Variants in RTCB observed in about 807,000 individuals in gnomAD.
RTCB encodes RNA-splicing ligase RTCB.
In RTCB, 32 loss-of-function variants were observed where a neutral mutation model predicts 58.2. The observed-to-expected ratio is 0.55, with a 90% CI of 0.41 to 0.74. The LOEUF is 0.74. Ranked by LOEUF, RTCB falls within the 30% of genes least tolerant of loss-of-function variation. The probability of loss-of-function intolerance (pLI) is 0.00; values close to 1 mark genes in which losing one functional copy is unlikely to be tolerated. For missense variants in RTCB, 523 were observed against 639.0 expected (o/e 0.82, Z 1.96); for synonymous variants, 247 against 218.6 (o/e 1.13, Z -1.15).
At chr22:32,392,114 G>A in intron 11 of RTCB, 126 bp downstream of exon 11, 2 of 956,480 alleles carry the variant, frequency 2.1e-6, no homozygotes, top group South Asian at 1.9e-5. Flanking sequence ...CCAAAATTGA[G>A]GTCATAAAAA....
intron 1 of RTCB, among the ~76,000 whole-genome samples, chr22:32,411,102 C>A (rs1261137491): frequency 6.6e-6 from 1 of 152,152 alleles, no homozygotes; most frequent in Non-Finnish European, 1.5e-5. Context: ...TATCCCCGTG[C>A]GCTTTTTCTT....
chr22:32,408,321 A>G, intron 2 of RTCB, 79 bp from the exon 3 acceptor site: 2 of 1,227,510 alleles, frequency 1.6e-6, no homozygotes, highest in Non-Finnish European at 2.4e-6. Context: ...TTTAGACTGT[A>G]TAACGTGAAG....
At chr22:32,410,719 T>TTTC in intron 1 of RTCB, among the ~76,000 whole-genome samples, 2 of 107,034 alleles carry the variant, frequency 1.9e-5, no homozygotes, top group South Asian at 7.3e-4. Context: ...TTCTTTTTCT[T>TTTC]TTCTTTTTTT....
intron 1 of RTCB, among the ~76,000 whole-genome samples, chr22:32,410,459 G>A (rs759970987): frequency 1.3e-5 from 2 of 152,180 alleles, no homozygotes; most frequent in African/African-American, 2.4e-5. Context: ...CTCTCATATG[G>A]AAGCACAATT....
At position 32,408,758 on chromosome 22, in the gene RTCB, C is replaced by A. The variant is rs532579838; in HGVS notation, c.169G>T (p.Gly57Cys). ...AGTGAAACTCTAATGTACTTACCAC[C>A]ACCTCGACAGGCATTCCTTAATTCC... ...FEELRNACRG[G>C]GVGGFLPAMK... is the part of the protein sequence containing the mutation. Residue 57 changes from glycine (G) to cysteine (C), a missense_variant, in exon 2 of 12, where the codon GGT becomes TGT. By Grantham distance (159) the Gly-to-Cys change is radical. This residue lies in a region of RTCB where 134 missense variants were observed against 129.9 expected (regional missense o/e 1.03). Transcript: ENST00000216038. The A allele has an allele frequency of 6.2e-7, 1 of 1,612,100 alleles. No homozygotes were observed. Among genetic ancestry groups the A allele is most frequent in the Non-Finnish European group, 8.5e-7 (1 of 1,178,184 alleles).
intron 1 of RTCB, 64 bp from the exon 2 acceptor site, chr22:32,408,897 A>G: frequency 9.2e-7 from 1 of 1,089,186 alleles, no homozygotes. Context: ...GGCACTGGAC[A>G]GAATGCACTG....
chr22:32,390,014 C>G (rs1331013358), intron 11 of RTCB, among the ~76,000 whole-genome samples: 1 of 152,162 alleles, frequency 6.6e-6, no homozygotes, highest in African/African-American at 2.4e-5. Context: ...GCCTCGAAAG[C>G]TCACCTCCAG....
Position 32,387,960 on chromosome 22 carries a change from G to T in RTCB, c.*32C>A. On this transcript the variant is annotated 3_prime_UTR_variant, in exon 12 of 12. Coordinates refer to ENST00000216038, the MANE Select transcript of RTCB (RefSeq NM_014306.5). ...GTCCACTTCCACTTCAGAGAGGGTT[G>T]GTGGTGTCAGGCAGCCCTGCTGTCC... 7.5e-7 allele frequency: 1 copy of T among 1,341,372 alleles called. No individual in the cohort carries two copies. Among genetic ancestry groups the T allele is most frequent in the Non-Finnish European group, 1.1e-6 (1 of 932,278 alleles). The allele number at this position is 1,341,372 out of a possible 1,614,324, so 83.1% of individuals were successfully genotyped here.
Position 32,408,743 on chromosome 22 carries a change from T to C in RTCB, c.172+12A>G, listed in dbSNP as rs756484453. 2 of 1,600,686 alleles carry C rather than the reference T, an allele frequency of 1.2e-6. No homozygotes were observed. Among genetic ancestry groups the C allele is most frequent in the Admixed American group, 1.7e-5 (1 of 60,010 alleles). ...TACCGTACTAACACAAGTGAAACTCTAATGTACTTACCACCACCTCGACAG... is the reference window on the plus strand; with the variant it reads ...TACCGTACTAACACAAGTGAAACTCCAATGTACTTACCACCACCTCGACAG... On this transcript the variant is annotated intron_variant, in intron 2 of 11. Transcript: ENST00000216038.
chr22:32,402,135 G>A (rs1933346284), intron 4 of RTCB, among the ~76,000 whole-genome samples: 1 of 152,196 alleles, frequency 6.6e-6, no homozygotes. Flanking sequence ...TGAACATTGA[G>A]TAACATGTAA....
At position 32,398,007 on chromosome 22, in the gene RTCB, G is replaced by T; in HGVS notation, c.748C>A (p.His250Asn). 1 of 1,614,046 alleles carries T rather than the reference G, an allele frequency of 6.2e-7. No individual in the cohort carries two copies. The highest frequency in any genetic ancestry group is 8.5e-7 in the Non-Finnish European group (1 of 1,180,014). Residue 250 changes from histidine (H) to asparagine (N), a missense_variant, in exon 7 of 12, where the codon CAT becomes AAT. Physicochemically the swap from His to Asn is moderately conservative, Grantham distance 68. This residue lies in a region of RTCB where 141 missense variants were observed against 216.7 expected (regional missense o/e 0.65). Transcript: ENST00000216038. ...EYAAKKMGID[H>N]KGQVCVMIHS... ...ATCATCACACACACCTGTCCCTTAT[G>T]GTCGATGCCCATTTTTTTAGCAGCA...
chr22:32,388,187 C>A, intron 11 of RTCB, 88 bp from the exon 12 acceptor site: 1 of 785,106 alleles, frequency 1.3e-6, no homozygotes, highest in East Asian at 2.6e-5. Context: ...GAAATAAATG[C>A]ACACTAAAAT....
At chr22:32,390,406 A>G (rs946997319) in intron 11 of RTCB, among the ~76,000 whole-genome samples, 9 of 152,146 alleles carry the variant, frequency 5.9e-5, no homozygotes, top group African/African-American at 2.2e-4. Flanking sequence ...TTTCTGGCTG[A>G]TTGAATTCTA....
At chr22:32,395,347 T>C (rs1933228476) in intron 8 of RTCB, 133 bp from the exon 9 acceptor site, 2 of 690,906 alleles carry the variant, frequency 2.9e-6, no homozygotes, top group African/African-American at 3.6e-5. Context: ...AAAGTAGCCG[T>C]AAGATTATCT....
intron 10 of RTCB, among the ~76,000 whole-genome samples, chr22:32,393,323 G>C (rs2145889838): frequency 6.6e-6 from 1 of 152,260 alleles, no homozygotes; most frequent in East Asian, 1.9e-4. Flanking sequence ...TGAATAGCTG[G>C]TACACAGACC....
chr22:32,401,653 C>G, intron 5 of RTCB, 94 bp downstream of exon 5: 3 of 1,349,134 alleles, frequency 2.2e-6, no homozygotes, highest in Non-Finnish European at 3.0e-6. Flanking sequence ...ACTGAACAAT[C>G]CTCATCTCTC....
At chr22:32,398,874 G>A (rs534817643) in intron 6 of RTCB, among the ~76,000 whole-genome samples, 1 of 152,288 alleles carries the variant, frequency 6.6e-6, no homozygotes, top group East Asian at 1.9e-4. Context: ...TGTCAGTGCT[G>A]GAAGAGTCTT....
At chr22:32,406,156 A>G (rs1933416355) in intron 4 of RTCB, among the ~76,000 whole-genome samples, 1 of 152,174 alleles carries the variant, frequency 6.6e-6, no homozygotes, top group South Asian at 2.1e-4. Flanking sequence ...GAGCCTCCCA[A>G]AATTTTCAAT....
chr22:32,392,119 T>TA lies in RTCB; in HGVS notation c.1410+120dup, dbSNP rs60418733. On this transcript the variant is annotated intron_variant, in intron 11 of 11. Transcript: ENST00000216038. ...GGAAGATAAGCCAAAATTGAGGTCA[T>TA]AAAAAAAAATAACCCAAACAATTTC... 5,339 of 1,001,180 alleles carry TA rather than the reference T, an allele frequency of 5.3e-3. 120 individuals are homozygous for TA. In the African/African-American group the frequency reaches 0.061, roughly 11 times the overall value. The allele number at this position is 1,001,180 out of a possible 1,614,324, so 62.0% of individuals were successfully genotyped here.
Sources: allele counts gnomAD v4.1 joint callset (sites outside exome capture counted in the v4.1 genomes callset), GRCh38; gene constraint gnomAD v4.1.1; regional missense constraint gnomAD v4.1.1; transcripts MANE v1.5; gene names NCBI Gene and HGNC (gene_info 2026-07-23, HGNC 2026-07-21).